Variants in ZNF445 observed in about 807,000 individuals in gnomAD.
ZNF445 encodes the protein zinc finger protein 445, also known as zinc finger protein 168.
In ZNF445, 19 loss-of-function variants were observed where a neutral mutation model predicts 93.9. The ratio of observed to expected loss-of-function variants is 0.20; its 90% CI spans 0.14 to 0.30. The LOEUF is 0.30. ZNF445 is among the 10% of genes least tolerant of loss of function. ZNF445 has a pLI of 1.00. For missense variants in ZNF445, 1,058 were observed against 1,259.4 expected (o/e 0.84, Z 2.42); for synonymous variants, 449 against 446.3 (o/e 1.01, Z -0.08).
chr3:44,438,692 A>C lies in ZNF445; in HGVS notation c.*7883T>G, dbSNP rs1697741451. ...CATGGAATACTATGCAGCCATAAAA[A>C]ATGATGAGTTCATGTCCTTTGTAGG... On this transcript the variant is annotated 3_prime_UTR_variant, in exon 8 of 8. Coordinates refer to ENST00000396077, the MANE Select transcript of ZNF445 (RefSeq NM_181489.6). 1 of 152,064 alleles carries C rather than the reference A, an allele frequency of 6.6e-6. No homozygotes were observed. The highest frequency in any genetic ancestry group is 1.5e-5 in the Non-Finnish European group (1 of 68,020). 9.4% of individuals were successfully genotyped at this position (152,064 alleles called of 1,614,324 possible).
intron 1 of ZNF445, among the ~76,000 whole-genome samples, chr3:44,467,645 AAC>A (rs1698213047): frequency 6.6e-6 from 1 of 152,204 alleles, no homozygotes; most frequent in African/African-American, 2.4e-5. Flanking sequence ...TTCTTCATGG[AAC>A]AGAGTTCTAT....
rs2125679844 is a variant in ZNF445 at position 44,452,413 on chromosome 3, C to T, written c.430-931G>A. Reference sequence around the variant, plus strand: ...CAAAACAAGTTTAAGGACAAACTTTCTCGGGCCCTGGTTTTTCACACTGTG... The same window carrying T: ...CAAAACAAGTTTAAGGACAAACTTTTTCGGGCCCTGGTTTTTCACACTGTG... On this transcript the variant is annotated intron_variant, in intron 3 of 7. Transcript: ENST00000396077. 2.0e-5 allele frequency among the ~76,000 whole-genome samples: 3 copies of T among 151,920 alleles called. No homozygotes were observed. In the South Asian group the frequency reaches 6.2e-4, roughly 32 times the overall value.
At chr3:44,468,868 G>T (rs999970460) in intron 1 of ZNF445, among the ~76,000 whole-genome samples, 1 of 152,008 alleles carries the variant, frequency 6.6e-6, no homozygotes, top group Non-Finnish European at 1.5e-5. Context: ...CCACACAGCC[G>T]GCTCTGCGTG....
chr3:44,447,645 C>T lies in ZNF445; in HGVS notation c.2026G>A (p.Ala676Thr), dbSNP rs143105727. The change falls in exon 8 of 8, where the codon GCT becomes ACT. Residue 676 changes from alanine to threonine, a missense_variant. Around this residue, in one of 3 missense-constraint regions of ZNF445, gnomAD observed 387 missense variants for 475.7 expected, o/e 0.81. Coordinates refer to ENST00000396077, the MANE Select transcript of ZNF445 (RefSeq NM_181489.6). This position sits in a 1 kb window ranked among gnomAD's most constrained non-coding sequence, Gnocchi z 4.7. Reference protein sequence around the residue: ...PDCSQPQGAPAVEKTFLCQQC... With the variant: ...PDCSQPQGAPTVEKTFLCQQC... Reference sequence around the variant, plus strand: ...TGACACAGAAATGTTTTCTCCACAGCGGGAGCACCCTGGGGCTGACTGCAG... The same window carrying T: ...TGACACAGAAATGTTTTCTCCACAGTGGGAGCACCCTGGGGCTGACTGCAG... 100 of 1,613,988 alleles carry T rather than the reference C, an allele frequency of 6.2e-5. No homozygotes were observed. In the Middle Eastern group the frequency reaches 1.5e-3, roughly 24 times the overall value.
rs749972522 is a variant in ZNF445 at position 44,447,435 on chromosome 3, C to T, written c.2236G>A (p.Asp746Asn). 6.2e-7 allele frequency: 1 copy of T among 1,614,158 alleles called. No homozygotes were observed. The highest frequency in any genetic ancestry group is 1.1e-5 in the South Asian group (1 of 91,080). The change falls in exon 8 of 8, where the codon GAC becomes AAC. Residue 746 changes from aspartate to asparagine, a missense_variant. Coordinates refer to ENST00000396077, the MANE Select transcript of ZNF445 (RefSeq NM_181489.6). This position sits in a 1 kb window ranked among gnomAD's most constrained non-coding sequence, Gnocchi z 4.7. The stretch of plus-strand genomic sequence containing the variant: ...CTCTGAGGAACCTGGAACACTGTGT[C>T]CTGACTAAAAGATGGCCCGCCCTCA... ...KPEGGPSFSQ[D>N]TVFQVPQSSH...
chr3:44,445,651 C>T lies in ZNF445; in HGVS notation c.*924G>A, dbSNP rs982125611. ...TTCCTTCACGTCTTTGCTCACATTT[C>T]ACCTTCTCAGTTGAGGCCCTCCCTG... On this transcript the variant is annotated 3_prime_UTR_variant, in exon 8 of 8. Coordinates refer to ENST00000396077, the MANE Select transcript of ZNF445 (RefSeq NM_181489.6). 8 of 152,620 alleles carry T rather than the reference C, an allele frequency of 5.2e-5. No homozygotes were observed. Among genetic ancestry groups the T allele is most frequent in the African/African-American group, 1.9e-4 (8 of 41,472 alleles). The allele number at this position is 152,620 out of a possible 1,614,324, so 9.5% of individuals were successfully genotyped here.
At chr3:44,453,635 A>T (rs1018256122) in intron 3 of ZNF445, among the ~76,000 whole-genome samples, 5 of 152,202 alleles carry the variant, frequency 3.3e-5, no homozygotes, top group South Asian at 2.1e-4. Flanking sequence ...TAAAAAAGTG[A>T]TAAATGCTTT....
intron 1 of ZNF445, among the ~76,000 whole-genome samples, chr3:44,463,776 G>T (rs986376116): frequency 2.6e-5 from 4 of 152,180 alleles, no homozygotes; most frequent in African/African-American, 9.7e-5. Flanking sequence ...GAGATGGGCT[G>T]ATTACAAAAT....
intron 1 of ZNF445, among the ~76,000 whole-genome samples, chr3:44,468,083 G>C (rs868071220): frequency 1.8e-4 from 28 of 152,220 alleles, no homozygotes; most frequent in African/African-American, 6.0e-4. Flanking sequence ...GCCTGGCCAA[G>C]CCTGCGTGAG....
At chr3:44,470,689 AG>A (rs1468611047) in intron 1 of ZNF445, among the ~76,000 whole-genome samples, 4 of 152,228 alleles carry the variant, frequency 2.6e-5, no homozygotes, top group Admixed American at 2.6e-4. Context: ...GTGGGATGAA[AG>A]GGCTCTCCTT....
At chr3:44,464,924 G>A (rs1318584836) in intron 1 of ZNF445, among the ~76,000 whole-genome samples, 2 of 151,882 alleles carry the variant, frequency 1.3e-5, no homozygotes, top group Non-Finnish European at 2.9e-5. Context: ...AAAATTAGCT[G>A]AGCATGGTGG....
chr3:44,460,457 T>C (rs997865414), intron 1 of ZNF445, among the ~76,000 whole-genome samples: 2 of 152,258 alleles, frequency 1.3e-5, no homozygotes, highest in African/African-American at 4.8e-5. Context: ...TACAAGATTC[T>C]GACCCTCCCT....
At chr3:44,475,468 G>A (rs1374013639) in intron 1 of ZNF445, among the ~76,000 whole-genome samples, 1 of 152,048 alleles carries the variant, frequency 6.6e-6, no homozygotes, top group Non-Finnish European at 1.5e-5. Flanking sequence ...CCAAAGTGCT[G>A]GGATTACAGG....
chr3:44,435,352 C>A lies in ZNF445; in HGVS notation c.*11223G>T, dbSNP rs764588484. ...TTTACTGTGTGAGAACAGAACAAACCTGGGCCTGGCTCAGTAACAACTGCA... is the reference window on the plus strand; with the variant it reads ...TTTACTGTGTGAGAACAGAACAAACATGGGCCTGGCTCAGTAACAACTGCA... On this transcript the variant is annotated 3_prime_UTR_variant, in exon 8 of 8. Transcript: ENST00000396077. 2 of 152,194 alleles carry A rather than the reference C, an allele frequency of 1.3e-5. No individual in the cohort carries two copies. The highest frequency in any genetic ancestry group is 1.9e-4 in the East Asian group (1 of 5,198). 9.4% of individuals were successfully genotyped at this position (152,194 alleles called of 1,614,324 possible).
chr3:44,455,537 T>C lies in ZNF445; in HGVS notation c.13A>G (p.Arg5Gly). The change falls in exon 3 of 8, where the codon AGG becomes GGG. Residue 5 changes from arginine (R) to glycine (G), a missense_variant. Transcript: ENST00000396077. ...TGAGCTGGATAGGCAGCATGCCACC[T>C]GCCTGGAGGCATCACTCCTGTTCAG... MPPG[R>G]WHAAYPAQAQ... The C allele has an allele frequency of 6.3e-7, 1 of 1,597,882 alleles. No homozygotes were observed. Among genetic ancestry groups the C allele is most frequent in the Non-Finnish European group, 8.5e-7 (1 of 1,172,242 alleles).
intron 1 of ZNF445, among the ~76,000 whole-genome samples, chr3:44,470,196 T>A (rs1698248063): frequency 6.6e-6 from 1 of 152,168 alleles, no homozygotes; most frequent in Non-Finnish European, 1.5e-5. Flanking sequence ...GCACTGGGAT[T>A]ACAGGCATGA....
At chr3:44,465,591 T>A (rs1575316228) in intron 1 of ZNF445, among the ~76,000 whole-genome samples, 2 of 152,334 alleles carry the variant, frequency 1.3e-5, no homozygotes, top group South Asian at 4.1e-4. Context: ...AACTAACTAC[T>A]GGATAGAGAT....
rs1204689362 is a variant in ZNF445, at chr3:44,442,349, A to C, written c.*4226T>G. ...CATGGCACTTCTCTAGGATGCATCC[A>C]GGAGTAGTTGCTGGGTGGTTAAGTG... is the stretch of plus-strand genomic sequence containing the variant. On this transcript the variant is annotated 3_prime_UTR_variant, in exon 8 of 8. Coordinates refer to ENST00000396077, the MANE Select transcript of ZNF445 (RefSeq NM_181489.6). The C allele has an allele frequency of 6.6e-6, 1 of 152,250 alleles. No homozygotes were observed. Among genetic ancestry groups the C allele is most frequent in the Non-Finnish European group, 1.5e-5 (1 of 68,050 alleles). 9.4% of individuals were successfully genotyped at this position (152,250 alleles called of 1,614,324 possible). A position where few individuals can be genotyped will look rare whatever the true frequency, so the allele number is the denominator to read the frequency against.
Position 44,446,352 on chromosome 3 carries a change from T to A in ZNF445, c.*223A>T, listed in dbSNP as rs2125677962. On this transcript the variant is annotated 3_prime_UTR_variant, in exon 8 of 8. Coordinates refer to ENST00000396077, the MANE Select transcript of ZNF445 (RefSeq NM_181489.6). The surrounding 1 kb of genome is among the most constrained non-coding windows in gnomAD (Gnocchi z 4.2). ...GAGGCCACTCCTAGGGGCCGGAGTCTCCAGAAGGGCTCCAAAGGACATGGT... is the reference window on the plus strand; with the variant it reads ...GAGGCCACTCCTAGGGGCCGGAGTCACCAGAAGGGCTCCAAAGGACATGGT... 1 of 613,742 alleles carries A rather than the reference T, an allele frequency of 1.6e-6. No homozygotes were observed. The highest frequency in any genetic ancestry group is 3.0e-5 in the East Asian group (1 of 32,978). The allele number at this position is 613,742 out of a possible 1,614,324, so 38.0% of individuals were successfully genotyped here.
Sources: gnomAD v4.1 joint callset for allele counts (sites outside exome capture counted in the v4.1 genomes callset) on GRCh38, gnomAD v4.1.1 for gene constraint, gnomAD v4.1.1 regional missense constraint, Gnocchi (gnomAD v3.1) non-coding constraint, MANE v1.5 for transcripts, NCBI Gene and HGNC (gene_info 2026-07-23, HGNC 2026-07-21) for gene names.